The following MMP16 variants were observed in gnomAD, a reference collection of about 807,000 sequenced individuals.
MMP16 encodes the protein matrix metallopeptidase 16.
MMP16 carries 12 observed loss-of-function variants against 67.8 expected under a neutral mutation model. The ratio of observed to expected loss-of-function variants is 0.18; its 90% CI spans 0.11 to 0.29. The LOEUF (loss-of-function observed/expected upper bound fraction) is 0.29, where lower values mean the gene tolerates loss of function less well. MMP16 is among the 10% of genes least tolerant of loss of function. The pLI is 1.00. For synonymous variants in MMP16, 249 were observed against 255.9 expected, an observed-to-expected ratio of 0.97 and a Z score of 0.26; for missense variants, 475 against 765.7, an observed-to-expected ratio of 0.62 and a Z score of 4.48.
intron 1 of MMP16, among the ~76,000 whole-genome samples, chr8:88,264,332 TG>T (rs1214926111): frequency 1.3e-5 from 2 of 152,110 alleles, no homozygotes; most frequent in African/African-American, 4.8e-5. Context: ...CCCAAGTACC[TG>T]GGACTGCAGG....
chr8:88,286,481 A>C (rs960382306), intron 1 of MMP16, among the ~76,000 whole-genome samples: 1 of 152,082 alleles, frequency 6.6e-6, no homozygotes, highest in Non-Finnish European at 1.5e-5. Flanking sequence ...TATGTTCCAA[A>C]TCAAACTCCT....
intron 1 of MMP16, among the ~76,000 whole-genome samples, chr8:88,309,428 G>C (rs964958683): frequency 6.6e-6 from 1 of 151,712 alleles, no homozygotes; most frequent in Non-Finnish European, 1.5e-5. Flanking sequence ...AGTCTATAAA[G>C]AGGGAGGGTG....
chr8:88,154,864 T>C (rs1011872942), intron 4 of MMP16, among the ~76,000 whole-genome samples: 40 of 136,286 alleles, frequency 2.9e-4, no homozygotes, highest in African/African-American at 1.1e-3. Flanking sequence ...ACTTAAAGTA[T>C]AATACAAAAA....
intron 6 of MMP16, among the ~76,000 whole-genome samples, chr8:88,107,366 A>G (rs1238297292): frequency 6.6e-6 from 1 of 151,114 alleles, no homozygotes; most frequent in Non-Finnish European, 1.5e-5. Flanking sequence ...CAGTGGAATT[A>G]CTTTTAATTT....
chr8:88,176,941 G>C (rs1277858611), intron 3 of MMP16, among the ~76,000 whole-genome samples: 1 of 152,104 alleles, frequency 6.6e-6, no homozygotes, highest in Non-Finnish European at 1.5e-5. Flanking sequence ...AAGTCTTACT[G>C]GGATTTTTGT....
intron 1 of MMP16, among the ~76,000 whole-genome samples, chr8:88,310,451 A>G (rs1586013721): frequency 6.6e-6 from 1 of 152,176 alleles, no homozygotes; most frequent in East Asian, 1.9e-4. Flanking sequence ...ACTGTCATCC[A>G]GTATGGGCTA....
intron 6 of MMP16, among the ~76,000 whole-genome samples, chr8:88,115,184 T>C (rs1047499631): frequency 2.6e-5 from 4 of 152,098 alleles, no homozygotes; most frequent in Non-Finnish European, 5.9e-5. Flanking sequence ...GTTGAAATTC[T>C]GCCAACCCTT....
chr8:88,174,967 T>A (rs963560565), intron 3 of MMP16, among the ~76,000 whole-genome samples: 3 of 152,148 alleles, frequency 2.0e-5, no homozygotes, highest in African/African-American at 7.2e-5. Context: ...TTGGTCAGGC[T>A]GGTCTCGAAC....
chr8:88,148,918 A>G (rs1344400953), intron 4 of MMP16, among the ~76,000 whole-genome samples: 1 of 152,202 alleles, frequency 6.6e-6, no homozygotes, highest in East Asian at 1.9e-4. Context: ...GACGCAGAAG[A>G]CGGGTGATTT....
intron 2 of MMP16, among the ~76,000 whole-genome samples, chr8:88,196,393 C>T (rs1519942): frequency 0.91 from 137,836 of 152,124 alleles, 62,722 homozygotes; most frequent in East Asian, 0.99. Flanking sequence ...CCTGTGGTAA[C>T]ACCATTTGCG....
At chr8:88,231,743 C>T (rs1055982579) in intron 1 of MMP16, among the ~76,000 whole-genome samples, 1 of 152,192 alleles carries the variant, frequency 6.6e-6, no homozygotes, top group African/African-American at 2.4e-5. Flanking sequence ...ATATCAACTT[C>T]ACCCAAATGA....
At chr8:88,218,125 A>C (rs1202849650) in intron 1 of MMP16, among the ~76,000 whole-genome samples, 2 of 152,024 alleles carry the variant, frequency 1.3e-5, no homozygotes, top group African/African-American at 4.8e-5. Flanking sequence ...TCTAAGGAAA[A>C]AACTTGGAGA....
At chr8:88,121,609 G>A (rs1586161864) in intron 4 of MMP16, among the ~76,000 whole-genome samples, 1 of 151,876 alleles carries the variant, frequency 6.6e-6, no homozygotes, top group Admixed American at 6.6e-5. Flanking sequence ...ATCCTTAATT[G>A]TAATATGCCT....
At chr8:88,326,966 C>A in intron 1 of MMP16, 109 bp downstream of exon 1, 4 of 1,431,194 alleles carry the variant, frequency 2.8e-6, no homozygotes, top group Non-Finnish European at 3.9e-6. Flanking sequence ...AGGGAAACAA[C>A]GTGCTGGGAC....
intron 1 of MMP16, among the ~76,000 whole-genome samples, chr8:88,279,533 A>G (rs1227045368): frequency 6.6e-6 from 1 of 152,186 alleles, no homozygotes; most frequent in African/African-American, 2.4e-5. Context: ...TTGAGGGGCT[A>G]AATTGTCACT....
At chr8:88,057,680 C>A (rs958036629) in intron 7 of MMP16, among the ~76,000 whole-genome samples, 3 of 152,080 alleles carry the variant, frequency 2.0e-5, no homozygotes, top group African/African-American at 7.2e-5. Context: ...CAAACAAAAA[C>A]CACACATCTT....
At chr8:88,278,722 G>A (rs1235791463) in intron 1 of MMP16, among the ~76,000 whole-genome samples, 1 of 152,154 alleles carries the variant, frequency 6.6e-6, no homozygotes, top group East Asian at 1.9e-4. Context: ...TAATTTGATG[G>A]AAACAAAGGA....
At chr8:88,240,927 TTTCTAC>T (rs1462949517) in intron 1 of MMP16, among the ~76,000 whole-genome samples, 60 of 152,338 alleles carry the variant, frequency 3.9e-4, no homozygotes, top group African/African-American at 1.4e-3. Context: ...CAGTCTGATT[TTTCTAC>T]TTCATTAATT....
At chr8:88,196,012 G>T (rs950454653) in intron 2 of MMP16, among the ~76,000 whole-genome samples, 1 of 152,154 alleles carries the variant, frequency 6.6e-6, no homozygotes, top group East Asian at 1.9e-4. Context: ...GGATGTCTAA[G>T]TCTAGATAAT....
Sources: allele counts gnomAD v4.1 joint callset (sites outside exome capture counted in the v4.1 genomes callset), GRCh38; gene constraint gnomAD v4.1.1; transcripts MANE v1.5; gene names NCBI Gene and HGNC (gene_info 2026-07-23, HGNC 2026-07-21).